ART4: variants seen among roughly 807,000 people sequenced by gnomAD.
The protein encoded by ART4 is ecto-ADP-ribosyltransferase 4.
In ART4, 14 loss-of-function variants were observed where a neutral mutation model predicts 24.2. The observed-to-expected ratio is 0.58, with a 90% CI of 0.38 to 0.90. ART4 has a LOEUF of 0.90. ART4 is among the 40% of genes least tolerant of loss of function. ART4 has a pLI of 0.00. For missense variants in ART4, 356 were observed against 366.6 expected (o/e 0.97, Z 0.24); for synonymous variants, 145 against 139.9 (o/e 1.04, Z -0.26).
chr12:14,831,271 AT>A (rs35715515), intron 2 of ART4, among the ~76,000 whole-genome samples: 25,239 of 133,188 alleles, frequency 0.19, 1,931 homozygotes, highest in African/African-American at 0.22. Context: ...TTCCTTCTCC[AT>A]TTTTTTTTTT....
chr12:14,839,016 T>G (rs1335959012), intron 2 of ART4, among the ~76,000 whole-genome samples: 1 of 151,948 alleles, frequency 6.6e-6, no homozygotes, highest in Non-Finnish European at 1.5e-5. Context: ...TTAAAAAAAG[T>G]TTAACTTTTT....
Position 14,843,179 on chromosome 12 carries a change from T to G in ART4, c.-66A>C. ...TCATCCTGAGATGAATTCTCAGAGT[T>G]CTCCTTTGAGGTTTTCTTTCAGTCT... On this transcript the variant is annotated 5_prime_UTR_variant, in exon 1 of 3. Transcript: ENST00000228936. 6.3e-7 allele frequency: 1 copy of G among 1,593,886 alleles called. No homozygotes were observed. Among genetic ancestry groups the G allele is most frequent in the South Asian group, 1.1e-5 (1 of 87,928 alleles).
At chr12:14,831,122 A>G (rs1175044726) in intron 2 of ART4, among the ~76,000 whole-genome samples, 1 of 152,036 alleles carries the variant, frequency 6.6e-6, no homozygotes, top group Non-Finnish European at 1.5e-5. Context: ...CTGGAATGTA[A>G]TGTCAATTCT....
intron 2 of ART4, among the ~76,000 whole-genome samples, chr12:14,833,924 CT>C (rs1340746681): frequency 6.6e-6 from 1 of 152,156 alleles, no homozygotes; most frequent in Non-Finnish European, 1.5e-5. Context: ...CTGCCTCTTC[CT>C]TTGTTTCTCT....
rs1592252760 is a variant in ART4 at position 14,843,211 on chromosome 12, T to C, written c.-98A>G. Reference sequence around the variant, plus strand: ...TGAGGTTTTCTTTCAGTCTCATCCGTAACCGTTTTTTCCCCTGTCTATGCT... The same window carrying C: ...TGAGGTTTTCTTTCAGTCTCATCCGCAACCGTTTTTTCCCCTGTCTATGCT... On this transcript the variant is annotated 5_prime_UTR_variant, in exon 1 of 3. Transcript: ENST00000228936. 5 of 1,498,196 alleles carry C rather than the reference T, an allele frequency of 3.3e-6. No homozygotes were observed. The East Asian group carries it at 1.2e-4, about 35-fold the overall frequency. The allele number at this position is 1,498,196 out of a possible 1,614,324, so 92.8% of individuals were successfully genotyped here. A position where few individuals can be genotyped will look rare whatever the true frequency, so the allele number is the denominator to read the frequency against.
chr12:14,840,653 T>G lies in ART4; in HGVS notation c.645A>C (p.Glu215Asp). 6.2e-7 allele frequency: 1 copy of G among 1,614,162 alleles called. No homozygotes were observed. Among genetic ancestry groups the G allele is most frequent in the South Asian group, 1.1e-5 (1 of 91,080 alleles). The change falls in exon 2 of 3, where the codon GAA (glutamate) becomes GAC (aspartate). Residue 215 changes from glutamate to aspartate, a missense_variant. Physicochemically the swap from Glu to Asp is conservative, Grantham distance 45. Transcript: ENST00000228936. ...GQFLSTSLLK[E>D]EAQEFGNQTL... ...TCTGGTTCCCAAACTCCTGTGCCTC[T>G]TCTTTCAGGAGGGATGTGGAGAGGA...
At chr12:14,841,221 T>C (rs1863048517) in intron 1 of ART4, 68 bp from the exon 2 acceptor site, 1 of 1,436,094 alleles carries the variant, frequency 7.0e-7, no homozygotes, top group Non-Finnish European at 9.4e-7. Context: ...GCAGATTTGC[T>C]GTACTCTATA....
intron 1 of ART4, 83 bp downstream of exon 1, chr12:14,842,887 C>A (rs776912417): frequency 6.9e-7 from 1 of 1,455,256 alleles, no homozygotes; most frequent in Non-Finnish European, 9.2e-7. Flanking sequence ...CCTAAGTTTT[C>A]GGCCATTTAA....
At chr12:14,833,157 T>A (rs1349449859) in intron 2 of ART4, among the ~76,000 whole-genome samples, 1 of 152,220 alleles carries the variant, frequency 6.6e-6, no homozygotes, top group African/African-American at 2.4e-5. Flanking sequence ...GTCATAGCCA[T>A]CATTGTTTAA....
At chr12:14,838,000 A>G (rs1446151476) in intron 2 of ART4, among the ~76,000 whole-genome samples, 1 of 152,182 alleles carries the variant, frequency 6.6e-6, no homozygotes, top group African/African-American at 2.4e-5. Context: ...CTAGTTCTCA[A>G]ATACTAGTTC....
intron 1 of ART4, among the ~76,000 whole-genome samples, chr12:14,841,511 C>G (rs1298266719): frequency 1.3e-5 from 2 of 152,200 alleles, no homozygotes; most frequent in Non-Finnish European, 2.9e-5. Context: ...TTTCCCCCCT[C>G]TTTCTAGTCT....
intron 2 of ART4, among the ~76,000 whole-genome samples, chr12:14,832,652 C>G (rs1037401564): frequency 6.6e-6 from 1 of 152,128 alleles, no homozygotes; most frequent in Non-Finnish European, 1.5e-5. Context: ...AACAAGTGAC[C>G]AATAAATACT....
intron 2 of ART4, among the ~76,000 whole-genome samples, chr12:14,838,987 T>A (rs1234120914): frequency 6.6e-6 from 1 of 151,880 alleles, no homozygotes; most frequent in Non-Finnish European, 1.5e-5. Flanking sequence ...AACATAAAAT[T>A]CAATCAGCCA....
intron 2 of ART4, among the ~76,000 whole-genome samples, chr12:14,839,551 G>T (rs539934962): frequency 6.6e-6 from 1 of 152,272 alleles, no homozygotes; most frequent in Non-Finnish European, 1.5e-5. Flanking sequence ...GACAGAGAGA[G>T]GCTCCAGTGA....
chr12:14,836,470 C>T (rs769747987), intron 2 of ART4, among the ~76,000 whole-genome samples: 35 of 152,090 alleles, frequency 2.3e-4, no homozygotes, highest in Non-Finnish European at 4.1e-4. Flanking sequence ...TTCATCACAC[C>T]ACTCAGAATG....
chr12:14,838,997 A>G (rs1052354655), intron 2 of ART4, among the ~76,000 whole-genome samples: 1 of 151,022 alleles, frequency 6.6e-6, no homozygotes, highest in Admixed American at 6.6e-5. Flanking sequence ...TCAATCAGCC[A>G]TGTTTTTCTT....
chr12:14,839,608 C>T (rs1366925707), intron 2 of ART4, among the ~76,000 whole-genome samples: 1 of 152,120 alleles, frequency 6.6e-6, no homozygotes, highest in African/African-American at 2.4e-5. Flanking sequence ...CTAACCTGCT[C>T]ACATGACAAC....
At position 14,843,497 on chromosome 12, in the gene ART4, T is replaced by C. The variant is rs1159430083; in HGVS notation, c.-384A>G. On this transcript the variant is annotated 5_prime_UTR_variant, in exon 1 of 3. It removes an upstream start codon present in the reference 5' UTR. Transcript: ENST00000228936. Reference sequence around the variant, plus strand: ...TTTCCCAGCCAAACAGGAAAAAGCATGCTCTGTCCAGCGTTTGGGGCCAAG... The same window carrying C: ...TTTCCCAGCCAAACAGGAAAAAGCACGCTCTGTCCAGCGTTTGGGGCCAAG... The C allele has an allele frequency of 5.6e-6, 1 of 178,270 alleles. No individual in the cohort carries two copies. Among genetic ancestry groups the C allele is most frequent in the East Asian group, 1.5e-4 (1 of 6,774 alleles). The allele number at this position is 178,270 out of a possible 1,614,324, so 11.0% of individuals were successfully genotyped here.
chr12:14,836,570 C>G (rs1565429647), intron 2 of ART4, among the ~76,000 whole-genome samples: 1 of 152,140 alleles, frequency 6.6e-6, no homozygotes, highest in African/African-American at 2.4e-5. Context: ...AAAGCAAAAC[C>G]ATAGGTAAGG....
Sources: gnomAD v4.1 joint callset for allele counts (sites outside exome capture counted in the v4.1 genomes callset) on GRCh38, gnomAD v4.1.1 for gene constraint, MANE v1.5 for transcripts, NCBI Gene and HGNC (gene_info 2026-07-23, HGNC 2026-07-21) for gene names.